The following AGBL3 variants were observed in gnomAD, a reference collection of about 807,000 sequenced individuals.
AGBL3 encodes the protein cytosolic carboxypeptidase 3.
AGBL3 carries 68 observed loss-of-function variants against 94.5 expected under a neutral mutation model. The observed-to-expected ratio is 0.72, with a 90% CI of 0.59 to 0.88. The LOEUF (loss-of-function observed/expected upper bound fraction) is 0.88, where lower values mean the gene tolerates loss of function less well. Among genes scored for constraint, AGBL3 ranks in the 40% least tolerant of loss-of-function variants. AGBL3 has a pLI of 0.00. For synonymous variants in AGBL3, 354 were observed against 370.7 expected (o/e 0.95, Z 0.52); for missense variants, 934 against 1,103.8 (o/e 0.85, Z 2.18).
At chr7:135,106,563 C>T (rs1210791038) in intron 15 of AGBL3, among the ~76,000 whole-genome samples, 3 of 152,166 alleles carry the variant, frequency 2.0e-5, no homozygotes, top group Non-Finnish European at 4.4e-5. Flanking sequence ...GGAATAAAGC[C>T]TACTTGATCA....
chr7:135,027,425 G>GA (rs1276613914), intron 5 of AGBL3, among the ~76,000 whole-genome samples: 1 of 24,754 alleles, frequency 4.0e-5, no homozygotes, highest in Admixed American at 7.1e-4. Context: ...ATTAAGAGGA[G>GA]AAAAAATTGT....
chr7:135,004,401 A>G (rs10954476), intron 4 of AGBL3, among the ~76,000 whole-genome samples: 141,124 of 151,668 alleles, frequency 0.93, 66,438 homozygotes, highest in Non-Finnish European at 1. Flanking sequence ...TTTCTAGCTC[A>G]TGTACATTTA....
chr7:135,108,797 C>T (rs1825162637), intron 15 of AGBL3, among the ~76,000 whole-genome samples: 1 of 152,042 alleles, frequency 6.6e-6, no homozygotes, highest in South Asian at 2.1e-4. Context: ...TTTGCTTTTT[C>T]CCTGTCCCTT....
chr7:135,134,386 C>T (rs978984616), intron 16 of AGBL3, among the ~76,000 whole-genome samples: 15 of 148,602 alleles, frequency 1.0e-4, no homozygotes, highest in Admixed American at 2.7e-4. Flanking sequence ...AAAGCTCCCC[C>T]GAGGAAAACT....
At chr7:135,081,615 C>A (rs1820930711) in intron 14 of AGBL3, 104 bp from the exon 15 acceptor site, 1 of 683,880 alleles carries the variant, frequency 1.5e-6, no homozygotes, top group African/African-American at 1.8e-5. Context: ...CTACTGTCTA[C>A]AAGTTATTTA....
chr7:135,065,383 C>A lies in AGBL3; in HGVS notation c.1908+6148C>A, dbSNP rs145273841. Among the ~76,000 whole-genome samples the A allele has an allele frequency of 7.1e-3, 1,075 of 152,170 alleles. 15 individuals carry two copies. Among genetic ancestry groups the A allele is most frequent in the African/African-American group, 0.025 (1,025 of 41,514 alleles). On this transcript the variant is annotated intron_variant, in intron 12 of 16. Coordinates refer to ENST00000436302, the MANE Select transcript of AGBL3 (RefSeq NM_178563.4). ...CCTGAATAGCTAAAGCAAACTTGAG[C>A]AAGAACAACAAAGCTGGAGGCATCA... is the stretch of plus-strand genomic sequence containing the variant.
At chr7:135,123,259 A>C (rs192026341) in intron 16 of AGBL3, among the ~76,000 whole-genome samples, 37 of 152,208 alleles carry the variant, frequency 2.4e-4, no homozygotes, top group African/African-American at 8.7e-4. Context: ...CACAAGTATC[A>C]ATAGCCGAAT....
chr7:135,093,779 A>C (rs1377353507), intron 15 of AGBL3: 3 of 152,224 alleles, frequency 2.0e-5, no homozygotes. Flanking sequence ...TGGAAATACA[A>C]GGGACCCAGA....
intron 15 of AGBL3, among the ~76,000 whole-genome samples, chr7:135,096,592 G>C (rs372040504): frequency 2.8e-5 from 4 of 143,370 alleles, no homozygotes; most frequent in African/African-American, 7.9e-5. Flanking sequence ...TACATAGATA[G>C]ATAGATAGAT....
rs184117522 is a variant in AGBL3 at position 135,101,094 on chromosome 7, C to T, written c.2111-14286C>T. 2,519 of 443,102 alleles carry T rather than the reference C, an allele frequency of 5.7e-3. 17 individuals carry two copies. Among genetic ancestry groups the T allele is most frequent in the Non-Finnish European group, 8.1e-3 (1,789 of 220,300 alleles). 27.4% of individuals were successfully genotyped at this position (443,102 alleles called of 1,614,324 possible). ...ATTTTTTTCATCTCCCAAAGTATGA[C>T]TCAGAGTCATAGCAAAGACCAACAC... On this transcript the variant is annotated intron_variant, in intron 15 of 16. Transcript: ENST00000436302.
intron 5 of AGBL3, 39 bp downstream of exon 5, chr7:135,017,198 T>C (rs534892374): frequency 7.2e-7 from 1 of 1,387,594 alleles, no homozygotes; most frequent in African/African-American, 1.4e-5. Flanking sequence ...AAAATATAAT[T>C]TGGTACTTAG....
chr7:135,040,786 A>G (rs1816768940), intron 8 of AGBL3, among the ~76,000 whole-genome samples: 2 of 152,122 alleles, frequency 1.3e-5, no homozygotes, highest in African/African-American at 2.4e-5. Context: ...CAAAAAGGCA[A>G]AAGAAAGGTG....
chr7:135,066,948 C>A (rs1039048408), intron 12 of AGBL3, among the ~76,000 whole-genome samples: 2 of 152,174 alleles, frequency 1.3e-5, no homozygotes, highest in African/African-American at 4.8e-5. Flanking sequence ...CATTGCCTCA[C>A]CCAAGAAGTA....
chr7:135,118,914 T>C (rs948482119), intron 16 of AGBL3, among the ~76,000 whole-genome samples: 3 of 151,868 alleles, frequency 2.0e-5, no homozygotes, highest in African/African-American at 7.3e-5. Context: ...ATTGTACAAA[T>C]AGAGGAAAGA....
chr7:135,032,471 A>ATTTTTT (rs375307379), intron 5 of AGBL3, among the ~76,000 whole-genome samples: 2 of 134,392 alleles, frequency 1.5e-5, no homozygotes, highest in Non-Finnish European at 3.2e-5. Flanking sequence ...CACCTGGCTA[A>ATTTTTT]TTTTTTTTTT....
intron 15 of AGBL3, among the ~76,000 whole-genome samples, chr7:135,086,134 G>T (rs1051694403): frequency 6.6e-6 from 1 of 151,728 alleles, no homozygotes; most frequent in Non-Finnish European, 1.5e-5. Flanking sequence ...TGTTTTGATG[G>T]TTTATTCTTG....
intron 12 of AGBL3, among the ~76,000 whole-genome samples, chr7:135,073,436 A>C (rs1332427938): frequency 6.6e-6 from 1 of 152,020 alleles, no homozygotes; most frequent in Non-Finnish European, 1.5e-5. Context: ...GTGCCACTGC[A>C]CTCCAGCCCA....
intron 15 of AGBL3, chr7:135,093,569 T>C (rs1471509085): frequency 6.6e-6 from 1 of 152,138 alleles, no homozygotes; most frequent in Non-Finnish European, 1.5e-5. Context: ...ACAAGACTTA[T>C]AAACTGAAAA....
intron 15 of AGBL3, 96 bp from the exon 16 acceptor site, chr7:135,115,284 G>C (rs568700781): frequency 3.9e-6 from 3 of 771,222 alleles, no homozygotes; most frequent in Non-Finnish European, 6.1e-6. Context: ...GATGGGCAAG[G>C]AATTTTAGAT....
Sources: allele counts gnomAD v4.1 joint callset (sites outside exome capture counted in the v4.1 genomes callset), GRCh38; gene constraint gnomAD v4.1.1; transcripts MANE v1.5; gene names NCBI Gene and HGNC (gene_info 2026-07-23, HGNC 2026-07-21).